Variants in STIMATE observed in about 807,000 individuals in gnomAD.
The protein encoded by STIMATE is store-operated calcium entry regulator STIMATE.
A neutral mutation model predicts 36.7 loss-of-function variants in STIMATE; 15 were observed. That is an observed-to-expected ratio of 0.41 (90% CI 0.27 to 0.63). The LOEUF (loss-of-function observed/expected upper bound fraction) is 0.63, where lower values mean the gene tolerates loss of function less well. Among genes scored for constraint, STIMATE ranks in the 20% least tolerant of loss-of-function variants. The pLI, the probability that STIMATE is intolerant of heterozygous loss-of-function variation, is 0.32. For missense variants in STIMATE, 305 were observed against 397.3 expected (o/e 0.77, Z 1.98); for synonymous variants, 163 against 162.3 (o/e 1.00, Z -0.03).
intron 4 of STIMATE, chr3:52,847,461 G>C: frequency 7.8e-7 from 1 of 1,289,326 alleles, no homozygotes; most frequent in African/African-American, 1.5e-5. Flanking sequence ...CAGACACCAT[G>C]CGTCACCTGG....
At chr3:52,852,722 G>C (rs2106669335) in intron 2 of STIMATE, 24 bp from the exon 3 acceptor site, 2 of 1,611,112 alleles carry the variant, frequency 1.2e-6, no homozygotes, top group Non-Finnish European at 1.7e-6. Flanking sequence ...ACCAGCACTG[G>C]TTATTAGCCT....
At chr3:52,880,968 C>A (rs1364209320) in intron 1 of STIMATE, among the ~76,000 whole-genome samples, 1 of 152,106 alleles carries the variant, frequency 6.6e-6, no homozygotes, top group African/African-American at 2.4e-5. Context: ...GCAGGTGGAT[C>A]ACTTGAGGTC....
intron 2 of STIMATE, among the ~76,000 whole-genome samples, chr3:52,853,676 C>G (rs781200918): frequency 4.6e-5 from 7 of 152,316 alleles, no homozygotes; most frequent in Non-Finnish European, 8.8e-5. Context: ...CCTGCCCCAG[C>G]CCTGAGGTGG....
At chr3:52,884,724 T>C (rs1252157912) in intron 1 of STIMATE, among the ~76,000 whole-genome samples, 1 of 152,232 alleles carries the variant, frequency 6.6e-6, no homozygotes, top group Non-Finnish European at 1.5e-5. Flanking sequence ...GATTCAATCA[T>C]GTTGTTGCAT....
intron 1 of STIMATE, among the ~76,000 whole-genome samples, chr3:52,892,087 T>C (rs1050370983): frequency 2.6e-5 from 4 of 152,218 alleles, no homozygotes; most frequent in South Asian, 4.1e-4. Flanking sequence ...TTTTAACCAC[T>C]TGTAAAACCC....
chr3:52,876,499 T>G (rs540251945), intron 1 of STIMATE, among the ~76,000 whole-genome samples: 3 of 152,298 alleles, frequency 2.0e-5, no homozygotes, highest in Admixed American at 6.5e-5. Context: ...ACTGCATGGG[T>G]CCACTTATAC....
chr3:52,843,176 A>G, intron 6 of STIMATE: 1 of 899,284 alleles, frequency 1.1e-6, no homozygotes, highest in Non-Finnish European at 1.6e-6. Flanking sequence ...TGTGCAAGGA[A>G]CGTGCCCTGA....
chr3:52,857,678 A>C (rs1701129953), intron 1 of STIMATE, among the ~76,000 whole-genome samples: 1 of 151,784 alleles, frequency 6.6e-6, no homozygotes, highest in Non-Finnish European at 1.5e-5. Context: ...ATTATGTATA[A>C]TAAATGTATT....
At chr3:52,863,154 T>A (rs1317994032) in intron 1 of STIMATE, among the ~76,000 whole-genome samples, 1 of 152,218 alleles carries the variant, frequency 6.6e-6, no homozygotes. Context: ...TAAAGATTCT[T>A]TTCTCTTTTT....
intron 1 of STIMATE, among the ~76,000 whole-genome samples, chr3:52,878,030 C>T (rs1442176185): frequency 2.7e-5 from 4 of 150,496 alleles, no homozygotes; most frequent in Non-Finnish European, 5.9e-5. Context: ...GGAGGTGGAG[C>T]TTGCAGTGAG....
chr3:52,852,327 G>A (rs986167012), intron 3 of STIMATE, among the ~76,000 whole-genome samples: 21 of 152,182 alleles, frequency 1.4e-4, no homozygotes, highest in Non-Finnish European at 2.8e-4. Context: ...GAGACATAAG[G>A]ACACTAGAAA....
Position 52,855,463 on chromosome 3 carries a change from A to C in STIMATE, c.161-19T>G. On this transcript the variant is annotated intron_variant, in intron 1 of 7. Coordinates refer to ENST00000355083, the MANE Select transcript of STIMATE (RefSeq NM_198563.5). ...CGTTTGACTGAAAGAAAAGACAGAC[A>C]TCAGTAGTTTTCCAAAGAAGTTACA... 1.2e-6 allele frequency: 2 copies of C among 1,614,114 alleles called. No individual in the cohort carries two copies. Among genetic ancestry groups the C allele is most frequent in the Non-Finnish European group, 1.7e-6 (2 of 1,179,988 alleles).
At chr3:52,860,380 C>T (rs1339549162) in intron 1 of STIMATE, among the ~76,000 whole-genome samples, 5 of 151,774 alleles carry the variant, frequency 3.3e-5, no homozygotes, top group Non-Finnish European at 4.4e-5. Flanking sequence ...TGAAGGAGAG[C>T]CCACGCCCGA....
intron 1 of STIMATE, among the ~76,000 whole-genome samples, chr3:52,894,876 G>C (rs1428497285): frequency 6.6e-6 from 1 of 152,192 alleles, no homozygotes; most frequent in African/African-American, 2.4e-5. Context: ...AAAGGACAAC[G>C]GCTGTTTAAA....
chr3:52,852,644 A>G lies in STIMATE; in HGVS notation c.264T>C (p.Asn88=). The change falls in exon 3 of 8, where the codon AAT becomes AAC. Residue 88 remains asparagine, a synonymous_variant. Transcript: ENST00000355083. ...AIGMLFIHFA[N]VYLADLTEED... is the part of the protein sequence containing the mutation. ...CTTCAGTGAGATCTGCTAGGTATAC[A>G]TTTGCAAAGTGGATGAACAGCATTC... 6.2e-7 allele frequency: 1 copy of G among 1,614,210 alleles called. No individual in the cohort carries two copies. The highest frequency in any genetic ancestry group is 8.5e-7 in the Non-Finnish European group (1 of 1,180,028).
intron 1 of STIMATE, among the ~76,000 whole-genome samples, chr3:52,863,507 G>A (rs1701252931): frequency 6.6e-6 from 1 of 152,116 alleles, no homozygotes; most frequent in African/African-American, 2.4e-5. Flanking sequence ...GTGAGATTTG[G>A]GTGGGGACAC....
chr3:52,855,668 A>G (rs1237443588), intron 1 of STIMATE, among the ~76,000 whole-genome samples: 2 of 152,030 alleles, frequency 1.3e-5, no homozygotes, highest in Non-Finnish European at 2.9e-5. Context: ...AGGGAGAAGG[A>G]CTCCTCATAG....
At chr3:52,851,263 T>C (rs1700991814) in intron 3 of STIMATE, among the ~76,000 whole-genome samples, 3 of 152,252 alleles carry the variant, frequency 2.0e-5, no homozygotes, top group Admixed American at 6.5e-5. Flanking sequence ...CAGCTCTCCA[T>C]GGTAGACAGA....
chr3:52,846,954 A>C (rs1441686465), intron 4 of STIMATE, among the ~76,000 whole-genome samples: 1 of 152,064 alleles, frequency 6.6e-6, no homozygotes, highest in Non-Finnish European at 1.5e-5. Flanking sequence ...TTCAGACTAG[A>C]GTGCAGGGGC....
Sources: gnomAD v4.1 joint callset for allele counts (sites outside exome capture counted in the v4.1 genomes callset) on GRCh38, gnomAD v4.1.1 for gene constraint, MANE v1.5 for transcripts, NCBI Gene and HGNC (gene_info 2026-07-23, HGNC 2026-07-21) for gene names.